Variants in AP1M1 observed in about 807,000 individuals in gnomAD.
AP1M1 encodes adaptor related protein complex 1 subunit mu 1.
In AP1M1, 18 loss-of-function variants were observed where a neutral mutation model predicts 57.1. The ratio of observed to expected loss-of-function variants is 0.32; its 90% CI spans 0.22 to 0.47. The LOEUF is 0.47. Among genes scored for constraint, AP1M1 ranks in the 20% least tolerant of loss-of-function variants. The pLI, the probability that AP1M1 is intolerant of heterozygous loss-of-function variation, is 1.00. For synonymous variants in AP1M1, 241 were observed against 237.9 expected, an observed-to-expected ratio of 1.01 and a Z score of -0.12; for missense variants, 362 against 593.5, an observed-to-expected ratio of 0.61 and a Z score of 4.05.
At position 16,197,989 on chromosome 19, in the gene AP1M1, A is replaced by ACCGCCCTCGGCCGCTGCCGCCGCCT; in HGVS notation, c.-19_-18insCCGCCTCCGCCCTCGGCCGCTGCCG. ...AGTCCCCACCGTCGCTGCCGCCGCC[A>ACCGCCCTCGGCCGCTGCCGCCGCCT]CCGCCCTCGGCCGCTGCCGAGGCCT... On this transcript the variant is annotated 5_prime_UTR_variant, in exon 1 of 12. Transcript: ENST00000291439. 1 of 1,545,508 alleles carries ACCGCCCTCGGCCGCTGCCGCCGCCT rather than the reference A, an allele frequency of 6.5e-7. No individual in the cohort carries two copies. Among genetic ancestry groups the ACCGCCCTCGGCCGCTGCCGCCGCCT allele is most frequent in the African/African-American group, 1.4e-5 (1 of 70,718 alleles).
intron 5 of AP1M1, among the ~76,000 whole-genome samples, chr19:16,211,574 G>C (rs1476612809): frequency 2.0e-5 from 3 of 151,948 alleles, no homozygotes; most frequent in Non-Finnish European, 2.9e-5. Context: ...GGGCATGGTA[G>C]CTCCCGCTCT....
chr19:16,204,950 C>A (rs479831), intron 2 of AP1M1, among the ~76,000 whole-genome samples: 5,004 of 98,082 alleles, frequency 0.051, 281 homozygotes, highest in African/African-American at 0.12. Flanking sequence ...CCTGCCTCAG[C>A]CTCCCGAGTA....
At chr19:16,223,683 T>C (rs2091556069) in intron 5 of AP1M1, among the ~76,000 whole-genome samples, 1 of 152,186 alleles carries the variant, frequency 6.6e-6, no homozygotes, top group Non-Finnish European at 1.5e-5. Context: ...TGCTCTGTGG[T>C]GCACACTTCT....
chr19:16,223,152 G>C (rs992245175), intron 5 of AP1M1, among the ~76,000 whole-genome samples: 2 of 152,096 alleles, frequency 1.3e-5, no homozygotes, highest in Non-Finnish European at 2.9e-5. Context: ...TTACTTTCAG[G>C]CCACAAGTTC....
intron 5 of AP1M1, among the ~76,000 whole-genome samples, chr19:16,209,740 C>G (rs1401233069): frequency 2.0e-5 from 3 of 152,074 alleles, no homozygotes; most frequent in African/African-American, 7.2e-5. Flanking sequence ...TTTCTATAAA[C>G]CTGAGATCAT....
intron 5 of AP1M1, 176 bp downstream of exon 5, chr19:16,209,353 C>T (rs1036572849): frequency 1.2e-5 from 8 of 662,486 alleles, no homozygotes; most frequent in African/African-American, 9.2e-5. Context: ...TTTTTTGAGA[C>T]GGAATCTCAT....
At chr19:16,210,750 G>A (rs2091490057) in intron 5 of AP1M1, among the ~76,000 whole-genome samples, 1 of 151,962 alleles carries the variant, frequency 6.6e-6, no homozygotes, top group South Asian at 2.1e-4. Flanking sequence ...ACTAGAGACG[G>A]GGTTTCACCA....
In AP1M1 at chr19:16,206,827, G is replaced by T. The variant is rs992715081; in HGVS notation, c.267+419G>T. Among the ~76,000 whole-genome samples, 2 of 152,206 alleles carry T rather than the reference G, an allele frequency of 1.3e-5. No individual in the cohort carries two copies. The highest frequency in any genetic ancestry group is 2.9e-5 in the Non-Finnish European group (2 of 68,042). ...CCTGACGCCCACCTTGGAGAGAGCT[G>T]ACACGCCAGGCCCAGGCTGCCAGTG... is the stretch of plus-strand genomic sequence containing the variant. On this transcript the variant is annotated intron_variant, in intron 3 of 11. Coordinates refer to ENST00000291439, the MANE Select transcript of AP1M1 (RefSeq NM_032493.4). This position sits in a 1 kb window ranked among gnomAD's most constrained non-coding sequence, Gnocchi z 4.3.
In AP1M1 at chr19:16,198,546, C is replaced by G. The variant is rs736810; in HGVS notation, c.42+478C>G. Among the ~76,000 whole-genome samples, 295 of 152,270 alleles carry G rather than the reference C, an allele frequency of 1.9e-3. 2 individuals carry two copies. Among genetic ancestry groups the G allele is most frequent in the African/African-American group, 6.8e-3 (284 of 41,554 alleles). On this transcript the variant is annotated intron_variant, in intron 1 of 11. Transcript: ENST00000291439. ...GTGCACTTTCTCTCAGTAGGAATTT[C>G]TCCACGTTCATTGTGATAGTGAGTT...
chr19:16,227,430 C>T lies in AP1M1; in HGVS notation c.674-118C>T. 8.4e-7 allele frequency: 1 copy of T among 1,195,898 alleles called. No individual in the cohort carries two copies. Among genetic ancestry groups the T allele is most frequent in the Non-Finnish European group, 1.2e-6 (1 of 832,906 alleles). 74.1% of individuals were successfully genotyped at this position (1,195,898 alleles called of 1,614,324 possible). A position where few individuals can be genotyped will look rare whatever the true frequency, so the allele number is the denominator to read the frequency against. On this transcript the variant is annotated intron_variant, in intron 6 of 11. Coordinates refer to ENST00000291439, the MANE Select transcript of AP1M1 (RefSeq NM_032493.4). The surrounding 1 kb of genome is among the most constrained non-coding windows in gnomAD (Gnocchi z 6.2). ...CCCTTGGTGTTTGTGGCCCAGGCTG[C>T]TCTCAGTGCGTGGACTGGGGGCCCT... is the stretch of plus-strand genomic sequence containing the variant.
chr19:16,205,371 C>A (rs563520341), intron 2 of AP1M1, among the ~76,000 whole-genome samples: 1 of 152,284 alleles, frequency 6.6e-6, no homozygotes, highest in African/African-American at 2.4e-5. Context: ...CTGAGAGGCA[C>A]CCATGAGAAG....
chr19:16,228,336 A>T lies in AP1M1; in HGVS notation c.888+128A>T, dbSNP rs369462620. 2.4e-5 allele frequency: 23 copies of T among 971,874 alleles called. No homozygotes were observed. The African/African-American group carries it at 3.1e-4, about 13-fold the overall frequency. 60.2% of individuals were successfully genotyped at this position (971,874 alleles called of 1,614,324 possible). ...CCCTCACTGTGGCCTCAGATGCAGG[A>T]GTGACCTGACACTGAGGGGACACCG... On this transcript the variant is annotated intron_variant, in intron 8 of 11. Transcript: ENST00000291439. The surrounding 1 kb of genome is among the most constrained non-coding windows in gnomAD (Gnocchi z 5.0).
Position 16,206,485 on chromosome 19 carries a change from CCA to C in AP1M1, c.267+79_267+80del. On this transcript the variant is annotated intron_variant, in intron 3 of 11. Transcript: ENST00000291439. The surrounding 1 kb of genome is among the most constrained non-coding windows in gnomAD (Gnocchi z 4.3). ...TGCTTGTGGACCTCCCCATACCTGG[CCA>C]CCCTACAGAGAGCTGTGGCATCCCC... The C allele has an allele frequency of 1.3e-6, 2 of 1,484,426 alleles. No homozygotes were observed. The highest frequency in any genetic ancestry group is 2.3e-5 in the South Asian group (2 of 87,626). The allele number at this position is 1,484,426 out of a possible 1,614,324, so 92.0% of individuals were successfully genotyped here.
At chr19:16,221,194 C>T (rs1433318212) in intron 5 of AP1M1, among the ~76,000 whole-genome samples, 3 of 152,142 alleles carry the variant, frequency 2.0e-5, no homozygotes, top group African/African-American at 7.2e-5. Context: ...ATGGCACAAT[C>T]TTGGCTCACT....
Position 16,198,459 on chromosome 19 carries a change from G to GC in AP1M1, c.42+392dup, listed in dbSNP as rs1294703851. ...CCTTGGCCGGGGGTGGCGAGGCGTG[G>GC]CGGGGACTGGGTGCTCTCGAGCCAG... is the stretch of plus-strand genomic sequence containing the variant. On this transcript the variant is annotated intron_variant, in intron 1 of 11. Coordinates refer to ENST00000291439, the MANE Select transcript of AP1M1 (RefSeq NM_032493.4). Among the ~76,000 whole-genome samples the GC allele has an allele frequency of 7.2e-5, 11 of 152,282 alleles. No individual in the cohort carries two copies. In the East Asian group the frequency reaches 2.1e-3, roughly 29 times the overall value.
At position 16,226,567 on chromosome 19, in the gene AP1M1, G is replaced by T; in HGVS notation, c.673+20G>T. 1 of 1,567,218 alleles carries T rather than the reference G, an allele frequency of 6.4e-7. No individual in the cohort carries two copies. On this transcript the variant is annotated intron_variant, in intron 6 of 11. Transcript: ENST00000291439. ...CGGGCCGTGAGTACCCTTGCCAAGG[G>T]CCCTGCCCATGAGGATGGCCTCACC...
chr19:16,201,485 G>C (rs1229274428), intron 1 of AP1M1, among the ~76,000 whole-genome samples: 3 of 124,348 alleles, frequency 2.4e-5, no homozygotes, highest in Non-Finnish European at 4.8e-5. Flanking sequence ...TGCAACCTCT[G>C]CCTCCCAGGT....
intron 1 of AP1M1, among the ~76,000 whole-genome samples, chr19:16,201,985 C>T (rs1032783705): frequency 4.6e-5 from 7 of 152,072 alleles, no homozygotes; most frequent in African/African-American, 1.2e-4. Context: ...GGAGAGACCC[C>T]GTCTGGCTTC....
Position 16,234,439 on chromosome 19 carries a change from G to T in AP1M1, c.*4G>T, listed in dbSNP as rs767593182. The T allele has an allele frequency of 6.2e-7, 1 of 1,613,658 alleles. No homozygotes were observed. ...TTACCAGCTCCGGACCCAGTGAGGGGCTGTCGCAGCCAACACCCCGGCCTC... is the reference window on the plus strand; with the variant it reads ...TTACCAGCTCCGGACCCAGTGAGGGTCTGTCGCAGCCAACACCCCGGCCTC... On this transcript the variant is annotated 3_prime_UTR_variant, in exon 12 of 12. Coordinates refer to ENST00000291439, the MANE Select transcript of AP1M1 (RefSeq NM_032493.4).
Sources: gnomAD v4.1 joint callset for allele counts (sites outside exome capture counted in the v4.1 genomes callset) on GRCh38, gnomAD v4.1.1 for gene constraint, Gnocchi (gnomAD v3.1) non-coding constraint, MANE v1.5 for transcripts, NCBI Gene and HGNC (gene_info 2026-07-23, HGNC 2026-07-21) for gene names.